The following DPP10 variants were observed in gnomAD, a reference collection of about 807,000 sequenced individuals.
DPP10 encodes the protein inactive dipeptidyl peptidase 10.
A neutral mutation model predicts 120.9 loss-of-function variants in DPP10; 33 were observed. The ratio of observed to expected loss-of-function variants is 0.27; its 90% CI spans 0.21 to 0.37. The LOEUF (loss-of-function observed/expected upper bound fraction) is 0.37. DPP10 is among the 10% of genes least tolerant of loss of function. DPP10 has a pLI of 1.00. For synonymous variants in DPP10, 337 were observed against 326.1 expected (o/e 1.03, Z -0.36); for missense variants, 816 against 942.8 (o/e 0.87, Z 1.76).
intron 3 of DPP10, among the ~76,000 whole-genome samples, chr2:115,440,153 G>A (rs1342548917): frequency 1.3e-5 from 2 of 151,960 alleles, no homozygotes; most frequent in Non-Finnish European, 2.9e-5. Context: ...ATATGTGTGT[G>A]TGCGTGTGTG....
At chr2:115,400,895 A>T (rs185489061) in intron 3 of DPP10, among the ~76,000 whole-genome samples, 9 of 152,306 alleles carry the variant, frequency 5.9e-5, no homozygotes, top group Non-Finnish European at 1.0e-4. Context: ...GAGGCTATGC[A>T]TGGGGAACTT....
intron 3 of DPP10, among the ~76,000 whole-genome samples, chr2:115,382,448 A>G (rs1041524811): frequency 1.1e-4 from 17 of 152,060 alleles, no homozygotes; most frequent in African/African-American, 1.4e-4. Context: ...ACTGACCTGC[A>G]CCCACTGTCT....
intron 1 of DPP10, among the ~76,000 whole-genome samples, chr2:115,119,219 A>G (rs552774505): frequency 6.6e-6 from 1 of 152,164 alleles, no homozygotes; most frequent in East Asian, 1.9e-4. Context: ...TTTTTCCCTT[A>G]CCAGTAGAGT....
intron 4 of DPP10, among the ~76,000 whole-genome samples, chr2:115,524,730 A>G (rs866637226): frequency 1.3e-5 from 2 of 152,224 alleles, no homozygotes; most frequent in Middle Eastern, 6.8e-3. Flanking sequence ...CTCCCCTCAC[A>G]AAGAGTCCTC....
At chr2:115,727,394 T>C (rs573279449) in intron 7 of DPP10, among the ~76,000 whole-genome samples, 4 of 152,252 alleles carry the variant, frequency 2.6e-5, no homozygotes, top group Non-Finnish European at 5.9e-5. Context: ...ACCAAATGCA[T>C]TTTTGTAAAA....
At chr2:114,902,125 T>A (rs772240766) in intron 1 of DPP10, among the ~76,000 whole-genome samples, 6 of 152,196 alleles carry the variant, frequency 3.9e-5, no homozygotes, top group Admixed American at 1.3e-4. Context: ...TGTTCATTCC[T>A]CTCATCAAAC....
chr2:114,491,087 T>C (rs372315470), intron 1 of DPP10, among the ~76,000 whole-genome samples: 1 of 152,214 alleles, frequency 6.6e-6, no homozygotes, highest in Non-Finnish European at 1.5e-5. Context: ...GGGTGTTTTA[T>C]GACTTTCAAA....
intron 1 of DPP10, among the ~76,000 whole-genome samples, chr2:114,627,470 C>T (rs1165565529): frequency 6.6e-6 from 1 of 152,108 alleles, no homozygotes; most frequent in African/African-American, 2.4e-5. Context: ...ATCTAGGTTT[C>T]CTTCAGGCAT....
chr2:114,835,353 T>A (rs550937752), intron 1 of DPP10: 1 of 151,968 alleles, frequency 6.6e-6, no homozygotes, highest in African/African-American at 2.4e-5. Flanking sequence ...TACACACCTA[T>A]GTATATATAA....
At chr2:115,538,811 A>G (rs2079018784) in intron 5 of DPP10, among the ~76,000 whole-genome samples, 1 of 152,036 alleles carries the variant, frequency 6.6e-6, no homozygotes, top group Non-Finnish European at 1.5e-5. Context: ...GTGTCTATTG[A>G]GGACTTGAAA....
At chr2:114,695,002 A>G (rs1170681836) in intron 1 of DPP10, among the ~76,000 whole-genome samples, 1 of 152,062 alleles carries the variant, frequency 6.6e-6, no homozygotes, top group Non-Finnish European at 1.5e-5. Flanking sequence ...AAGAAGGGTC[A>G]GCTCACGGAG....
chr2:115,052,136 A>G (rs913817015), intron 1 of DPP10, among the ~76,000 whole-genome samples: 1 of 152,206 alleles, frequency 6.6e-6, no homozygotes, highest in Non-Finnish European at 1.5e-5. Flanking sequence ...AAGAAAAACA[A>G]GGAGTTTGGG....
chr2:114,527,812 G>T (rs898807035), intron 1 of DPP10, among the ~76,000 whole-genome samples: 1 of 152,054 alleles, frequency 6.6e-6, no homozygotes, highest in Non-Finnish European at 1.5e-5. Context: ...ATACAAACCT[G>T]TACAGCATGT....
At chr2:115,327,162 A>T (rs2062415445) in intron 2 of DPP10, among the ~76,000 whole-genome samples, 1 of 152,082 alleles carries the variant, frequency 6.6e-6, no homozygotes, top group African/African-American at 2.4e-5. Context: ...TGTGATTTTC[A>T]GTGCACTAAC....
At chr2:115,811,510 A>G (rs1359303547) in intron 19 of DPP10, among the ~76,000 whole-genome samples, 1 of 152,270 alleles carries the variant, frequency 6.6e-6, no homozygotes, top group African/African-American at 2.4e-5. Context: ...CTTGCCTGCC[A>G]TAAAATGTCT....
chr2:115,821,837 T>C (rs1687849229), intron 21 of DPP10, among the ~76,000 whole-genome samples: 1 of 152,070 alleles, frequency 6.6e-6, no homozygotes, highest in Admixed American at 6.5e-5. Context: ...TATAAACGTG[T>C]ACGCTTGTTT....
At chr2:114,730,910 T>C (rs1471674777) in intron 1 of DPP10, among the ~76,000 whole-genome samples, 13 of 151,942 alleles carry the variant, frequency 8.6e-5, no homozygotes, top group Non-Finnish European at 1.5e-4. Flanking sequence ...TTTTCTTTTT[T>C]TTTTTTTTAA....
intron 1 of DPP10, among the ~76,000 whole-genome samples, chr2:114,582,798 T>C (rs747965563): frequency 7.3e-5 from 11 of 151,676 alleles, no homozygotes; most frequent in Non-Finnish European, 1.2e-4. Context: ...GTTCATTTTC[T>C]TACTGGTGGA....
At chr2:115,032,103 A>G (rs1233949129) in intron 1 of DPP10, among the ~76,000 whole-genome samples, 2 of 152,230 alleles carry the variant, frequency 1.3e-5, no homozygotes, top group African/African-American at 2.4e-5. Context: ...TAAAATGGCT[A>G]AAAGAAAAAA....
Sources: gnomAD v4.1 joint callset for allele counts (sites outside exome capture counted in the v4.1 genomes callset) on GRCh38, gnomAD v4.1.1 for gene constraint, MANE v1.5 for transcripts, NCBI Gene and HGNC (gene_info 2026-07-23, HGNC 2026-07-21) for gene names.